GRIA1: variants seen among roughly 807,000 people sequenced by gnomAD.
GRIA1 encodes the protein glutamate receptor 1.
In GRIA1, 31 loss-of-function variants were observed where a neutral mutation model predicts 99.2. That is an observed-to-expected ratio of 0.31 (90% CI 0.23 to 0.42). GRIA1 has a LOEUF of 0.42. Among genes scored for constraint, GRIA1 ranks in the 10% least tolerant of loss-of-function variants. GRIA1 has a pLI of 1.00. For missense variants in GRIA1, 782 were observed against 1,157.5 expected (o/e 0.68, Z 4.71); for synonymous variants, 438 against 432.4 (o/e 1.01, Z -0.16).
intron 11 of GRIA1, among the ~76,000 whole-genome samples, chr5:153,734,560 G>A (rs1478983209): frequency 6.6e-6 from 1 of 152,098 alleles, no homozygotes; most frequent in African/African-American, 2.4e-5. Context: ...TATGCACAAG[G>A]GAAGGATATG....
intron 15 of GRIA1, among the ~76,000 whole-genome samples, chr5:153,805,390 T>C (rs538574855): frequency 1.8e-4 from 27 of 152,236 alleles, no homozygotes; most frequent in African/African-American, 6.5e-4. Flanking sequence ...TGAAATTGTA[T>C]CCAAAGGAGA....
chr5:153,611,873 C>A (rs1159870035), intron 2 of GRIA1, among the ~76,000 whole-genome samples: 2 of 152,228 alleles, frequency 1.3e-5, no homozygotes, highest in African/African-American at 4.8e-5. Context: ...TGGCCTTGAG[C>A]TTGCAGCTCC....
chr5:153,783,043 G>A (rs1305446046), intron 13 of GRIA1, among the ~76,000 whole-genome samples: 14 of 152,300 alleles, frequency 9.2e-5, no homozygotes, highest in Non-Finnish European at 1.0e-4. Flanking sequence ...GAGACCTGCA[G>A]GAGCAGAGTT....
intron 2 of GRIA1, among the ~76,000 whole-genome samples, chr5:153,536,394 A>T (rs1356742367): frequency 1.3e-5 from 2 of 152,004 alleles, no homozygotes; most frequent in African/African-American, 4.8e-5. Flanking sequence ...TATATCCCTT[A>T]TCATTCTGCC....
intron 11 of GRIA1, among the ~76,000 whole-genome samples, chr5:153,738,590 A>T (rs1761552312): frequency 6.6e-6 from 1 of 152,116 alleles, no homozygotes; most frequent in Admixed American, 6.5e-5. Flanking sequence ...TCAATCTTCA[A>T]ATAGAAATTC....
chr5:153,735,277 G>A (rs72802700), intron 11 of GRIA1, among the ~76,000 whole-genome samples: 7,694 of 152,260 alleles, frequency 0.051, 278 homozygotes, highest in Non-Finnish European at 0.075. Context: ...TTATTCGGCC[G>A]TGAGCGTCAG....
intron 2 of GRIA1, among the ~76,000 whole-genome samples, chr5:153,575,649 A>G (rs1400146404): frequency 6.6e-6 from 1 of 152,184 alleles, no homozygotes; most frequent in East Asian, 1.9e-4. Flanking sequence ...ACTCGAAGTC[A>G]CAGCTAGACT....
intron 2 of GRIA1, among the ~76,000 whole-genome samples, chr5:153,594,460 T>G (rs376120481): frequency 1.3e-5 from 2 of 152,306 alleles, no homozygotes; most frequent in African/African-American, 4.8e-5. Flanking sequence ...CTGCATTAAC[T>G]TCCTAGAGTT....
At chr5:153,800,903 A>G (rs1765974220) in intron 14 of GRIA1, among the ~76,000 whole-genome samples, 1 of 152,224 alleles carries the variant, frequency 6.6e-6, no homozygotes. Context: ...CCACCTGAAA[A>G]GGAACACATG....
intron 2 of GRIA1, among the ~76,000 whole-genome samples, chr5:153,629,999 G>A (rs1364638727): frequency 6.6e-6 from 1 of 152,182 alleles, no homozygotes; most frequent in African/African-American, 2.4e-5. Flanking sequence ...TTAGCAAAGT[G>A]ATAAGGACTC....
intron 14 of GRIA1, among the ~76,000 whole-genome samples, chr5:153,801,404 C>T (rs1464717132): frequency 6.6e-6 from 1 of 150,934 alleles, no homozygotes; most frequent in Non-Finnish European, 1.5e-5. Flanking sequence ...TTTTGAACTC[C>T]ACTGGAGGTG....
intron 2 of GRIA1, among the ~76,000 whole-genome samples, chr5:153,602,694 A>G (rs1469516924): frequency 6.6e-6 from 1 of 152,138 alleles, no homozygotes. Context: ...GCTAGTTGCC[A>G]CTTTACCCCA....
intron 11 of GRIA1, among the ~76,000 whole-genome samples, chr5:153,759,496 T>C (rs984723468): frequency 7.9e-5 from 12 of 151,656 alleles, no homozygotes; most frequent in Non-Finnish European, 1.6e-4. Context: ...CCTATCAAAA[T>C]TGAATTAAGA....
intron 1 of GRIA1, chr5:153,492,287 CT>C: frequency 6.5e-7 from 1 of 1,535,434 alleles, no homozygotes; most frequent in African/African-American, 1.4e-5. Context: ...TTCCTGACAC[CT>C]GTTAAGCTAC....
At chr5:153,789,919 G>A (rs765897240) in intron 13 of GRIA1, among the ~76,000 whole-genome samples, 5 of 152,206 alleles carry the variant, frequency 3.3e-5, no homozygotes, top group Non-Finnish European at 7.3e-5. Context: ...ATCAACAATA[G>A]TAGTAGCTAA....
At chr5:153,718,078 T>G (rs1475353799) in intron 11 of GRIA1, among the ~76,000 whole-genome samples, 1 of 152,182 alleles carries the variant, frequency 6.6e-6, no homozygotes, top group Non-Finnish European at 1.5e-5. Flanking sequence ...TGTTTTAAAT[T>G]GAGCACCACC....
At chr5:153,661,306 T>C (rs1755353736) in intron 5 of GRIA1, among the ~76,000 whole-genome samples, 1 of 152,238 alleles carries the variant, frequency 6.6e-6, no homozygotes, top group Non-Finnish European at 1.5e-5. Flanking sequence ...CTGACTTTTA[T>C]ACTTATTAGC....
intron 5 of GRIA1, among the ~76,000 whole-genome samples, chr5:153,660,670 T>C (rs1042088142): frequency 2.0e-5 from 3 of 152,168 alleles, no homozygotes; most frequent in Non-Finnish European, 4.4e-5. Context: ...ATTTACTCCA[T>C]GGTTTAGGTA....
At chr5:153,678,811 G>T (rs1376319537) in intron 7 of GRIA1, among the ~76,000 whole-genome samples, 1 of 152,184 alleles carries the variant, frequency 6.6e-6, no homozygotes, top group Non-Finnish European at 1.5e-5. Flanking sequence ...GTACTGGGAG[G>T]CAGGAGAGCT....
Sources: gnomAD v4.1 joint callset for allele counts (sites outside exome capture counted in the v4.1 genomes callset) on GRCh38, gnomAD v4.1.1 for gene constraint, MANE v1.5 for transcripts, NCBI Gene and HGNC (gene_info 2026-07-23, HGNC 2026-07-21) for gene names.